Variants in ZFHX4 observed in about 807,000 individuals in gnomAD.
ZFHX4 encodes the protein zinc finger homeobox protein 4.
A neutral mutation model predicts 267.6 loss-of-function variants in ZFHX4; 56 were observed. The observed-to-expected ratio is 0.21, with a 90% CI of 0.17 to 0.26. The LOEUF is 0.26. ZFHX4 is among the 10% of genes least tolerant of loss of function. The probability of loss-of-function intolerance (pLI) is 1.00; values close to 1 mark genes in which losing one functional copy is unlikely to be tolerated. For missense variants in ZFHX4, 4,332 were observed against 4,420.0 expected, an observed-to-expected ratio of 0.98 and a Z score of 0.56; for synonymous variants, 1,778 against 1,665.6, an observed-to-expected ratio of 1.07 and a Z score of -1.64.
At position 76,863,428 on chromosome 8, in the gene ZFHX4, C is replaced by G. The variant is rs370139182; in HGVS notation, c.9714C>G (p.Val3238=). The change falls in exon 11 of 11, where the codon GTC becomes GTG. Residue 3238 remains valine, a synonymous_variant. Transcript: ENST00000651372. The part of the protein sequence containing the change: ...VLGKVVGETH[V]DPIQLQALQN... Reference sequence around the variant, plus strand: ...GCAAAGTTGTAGGTGAAACACATGTCGATCCTATTCAGTTGCAGGCATTAC... The same window carrying G: ...GCAAAGTTGTAGGTGAAACACATGTGGATCCTATTCAGTTGCAGGCATTAC... 23 of 1,613,942 alleles carry G rather than the reference C, an allele frequency of 1.4e-5. No homozygotes were observed. In the South Asian group the frequency reaches 2.1e-4, roughly 15 times the overall value.
At chr8:76,816,480 T>G (rs752581780) in intron 4 of ZFHX4, among the ~76,000 whole-genome samples, 13 of 152,164 alleles carry the variant, frequency 8.5e-5, no homozygotes, top group Non-Finnish European at 1.8e-4. Flanking sequence ...TCAAGCTCCT[T>G]GAGGGCACAA....
Position 76,854,072 on chromosome 8 carries a change from G to A in ZFHX4, c.7151G>A (p.Gly2384Asp). ...GCTGCTGCCCCTGCAGCAAGTTCTG[G>A]CTCTGGGACCAGCACCCCCCTGATT... ...KNAAAPAASS[G>D]SGTSTPLIPS... The change falls in exon 10 of 11, where the codon GGC becomes GAC. Residue 2384 changes from glycine to aspartate, a missense_variant. By Grantham distance (94) the Gly-to-Asp change is moderately conservative. Around this residue, in one of 7 missense-constraint regions of ZFHX4, gnomAD observed 1,648 missense variants for 1,625.0 expected, o/e 1.01. Transcript: ENST00000651372. The A allele has an allele frequency of 1.9e-6, 3 of 1,613,922 alleles. No homozygotes were observed. Among genetic ancestry groups the A allele is most frequent in the Non-Finnish European group, 2.5e-6 (3 of 1,179,866 alleles).
chr8:76,782,100 A>ATTTTTTTTTTTTTTTTT (rs77420241), intron 4 of ZFHX4: 127 of 236,720 alleles, frequency 5.4e-4, no homozygotes, highest in Non-Finnish European at 6.5e-4. Context: ...TCAGTTAAGA[A>ATTTTTTTTTTTTTTTTT]TTTTTTTTTT....
Position 76,778,282 on chromosome 8 carries a change from C to G in ZFHX4, c.3168C>G (p.Thr1056=), listed in dbSNP as rs759811410. The G allele has an allele frequency of 1.1e-5, 17 of 1,613,782 alleles. No individual in the cohort carries two copies. Among genetic ancestry groups the G allele is most frequent in the South Asian group, 8.8e-5 (8 of 91,070 alleles). Residue 1056 remains threonine (T), a synonymous_variant, in exon 4 of 11, where the codon ACC becomes ACG. Transcript: ENST00000651372. ...ACTGTGCCGTGTGTGATTACACCAC[C>G]AAGGTCAAGTTGAATCTGGTACAAC... ...YYYCAVCDYT[T]KVKLNLVQHV...
chr8:76,804,907 C>T (rs1475588851), intron 4 of ZFHX4, among the ~76,000 whole-genome samples: 2 of 151,986 alleles, frequency 1.3e-5, no homozygotes, highest in African/African-American at 2.4e-5. Context: ...TAAACTAGCC[C>T]CCGTTTGAGA....
Position 76,705,736 on chromosome 8 carries a change from A to G in ZFHX4, c.1648A>G (p.Ser550Gly). The G allele has an allele frequency of 6.2e-7, 1 of 1,614,026 alleles. No individual in the cohort carries two copies. Among genetic ancestry groups the G allele is most frequent in the Non-Finnish European group, 8.5e-7 (1 of 1,179,896 alleles). ...TGTTAGGGCCAGTGGCAGTGTTGCT[A>G]GTAACTATGGCATCAGTGGCAAGGA... ...AAVRASGSVA[S>G]NYGISGKDFA... The change falls in exon 2 of 11, where the codon AGT becomes GGT. Residue 550 changes from serine to glycine, a missense_variant. By Grantham distance (56) the Ser-to-Gly change is moderately conservative (BLOSUM62 0). Transcript: ENST00000651372.
rs4521732 is a variant in ZFHX4, at chr8:76,829,275, C to T, written c.3326-4063C>T. Among the ~76,000 whole-genome samples, 95 of 117,374 alleles carry T rather than the reference C, an allele frequency of 8.1e-4. 4 individuals carry two copies. Among genetic ancestry groups the T allele is most frequent in the East Asian group, 6.5e-3 (27 of 4,152 alleles). The allele number at this position is 117,374 out of a possible 152,430, so 77.0% of individuals were successfully genotyped here. ...TTGCAAAATTGTTATCCCAATTAGC[C>T]GGGGCGGGGGGCGGGTAGGAGCGGA... On this transcript the variant is annotated intron_variant, in intron 4 of 10. Transcript: ENST00000651372.
chr8:76,788,201 A>G (rs10113138), intron 4 of ZFHX4, among the ~76,000 whole-genome samples: 2,527 of 152,278 alleles, frequency 0.017, 28 homozygotes, highest in Middle Eastern at 0.034. Context: ...TTCCTGCCCA[A>G]CAGGAACCAC....
At chr8:76,736,228 G>A (rs1809155861) in intron 3 of ZFHX4, among the ~76,000 whole-genome samples, 1 of 151,242 alleles carries the variant, frequency 6.6e-6, no homozygotes, top group Admixed American at 6.6e-5. Flanking sequence ...TAAAAGTGTA[G>A]TCGGACTGAC....
chr8:76,721,257 T>C (rs1256983253), intron 3 of ZFHX4, among the ~76,000 whole-genome samples: 1 of 152,206 alleles, frequency 6.6e-6, no homozygotes, highest in Non-Finnish European at 1.5e-5. Context: ...TTTATTTGGT[T>C]CATACTATGT....
intron 4 of ZFHX4, among the ~76,000 whole-genome samples, chr8:76,785,173 A>G (rs1810653966): frequency 1.3e-5 from 2 of 152,130 alleles, no homozygotes; most frequent in East Asian, 3.8e-4. Flanking sequence ...CATTTTCTAT[A>G]ATGAAGAAAA....
chr8:76,696,042 G>C (rs1807947506), intron 1 of ZFHX4, among the ~76,000 whole-genome samples: 1 of 152,068 alleles, frequency 6.6e-6, no homozygotes, highest in African/African-American at 2.4e-5. Flanking sequence ...AGCTCCACTT[G>C]TTCTTGGTCC....
chr8:76,821,710 A>T (rs1811653605), intron 4 of ZFHX4, among the ~76,000 whole-genome samples: 2 of 152,152 alleles, frequency 1.3e-5, no homozygotes, highest in South Asian at 4.1e-4. Flanking sequence ...TAAAGAAAAA[A>T]CAGCAATAAA....
intron 3 of ZFHX4, among the ~76,000 whole-genome samples, chr8:76,713,887 AAC>A (rs142829711): frequency 1.3e-4 from 20 of 149,160 alleles, no homozygotes; most frequent in Non-Finnish European, 1.9e-4. Context: ...TTTACTCCTG[AAC>A]ACACACACAC....
chr8:76,702,146 C>T (rs1808121195), intron 1 of ZFHX4, among the ~76,000 whole-genome samples: 1 of 152,124 alleles, frequency 6.6e-6, no homozygotes, highest in African/African-American at 2.4e-5. Context: ...GTTTTGAAAG[C>T]TGTATGCATG....
rs1563572696 is a variant in ZFHX4, at chr8:76,864,425, G to GA, written c.10714dup (p.Ser3572LysfsTer5). 1 of 1,613,696 alleles carries GA rather than the reference G, an allele frequency of 6.2e-7. No individual in the cohort carries two copies. Among genetic ancestry groups the GA allele is most frequent in the Non-Finnish European group, 8.5e-7 (1 of 1,179,834 alleles). On this transcript the variant is annotated frameshift_variant, in exon 11 of 11. Coordinates refer to ENST00000651372, the MANE Select transcript of ZFHX4 (RefSeq NM_024721.5). LOFTEE classifies it high-confidence loss of function. ...AGGGGTTCAAACCTCACTACCCACA[G>GA]AAAGTTGTTCAGATGAGTCTGACAG...
Position 76,855,325 on chromosome 8 carries a change from G to A in ZFHX4, c.8404G>A (p.Glu2802Lys), listed in dbSNP as rs2131960760. ...TGATCAAAATAAAACCGATTTTGATGAGACTTCATCGATTAATACGGCAAT... is the reference window on the plus strand; with the variant it reads ...TGATCAAAATAAAACCGATTTTGATAAGACTTCATCGATTAATACGGCAAT... Reference protein sequence around the residue: ...GYDQNKTDFDETSSINTAISD... With the variant: ...GYDQNKTDFDKTSSINTAISD... The change falls in exon 10 of 11, where the codon GAG (glutamate) becomes AAG (lysine). Residue 2802 changes from glutamate to lysine, a missense_variant. Transcript: ENST00000651372. The A allele has an allele frequency of 1.2e-6, 2 of 1,613,700 alleles. No individual in the cohort carries two copies. The highest frequency in any genetic ancestry group is 1.7e-4 in the Middle Eastern group (1 of 6,060).
chr8:76,730,701 A>AAAAT (rs1170447571), intron 3 of ZFHX4, among the ~76,000 whole-genome samples: 92 of 152,198 alleles, frequency 6.0e-4, no homozygotes, highest in Non-Finnish European at 9.9e-4. Flanking sequence ...TCCATCTGAA[A>AAAAT]AAATAAATAA....
chr8:76,838,665 C>A (rs1232230100), intron 5 of ZFHX4, among the ~76,000 whole-genome samples: 1 of 152,116 alleles, frequency 6.6e-6, no homozygotes, highest in African/African-American at 2.4e-5. Flanking sequence ...ACTGTGTTTC[C>A]TCTTTATATG....
Sources: gnomAD v4.1 joint callset for allele counts (sites outside exome capture counted in the v4.1 genomes callset) on GRCh38, gnomAD v4.1.1 for gene constraint, gnomAD v4.1.1 regional missense constraint, MANE v1.5 for transcripts, NCBI Gene and HGNC (gene_info 2026-07-23, HGNC 2026-07-21) for gene names.